The following HIPK2 variants were observed in gnomAD, a reference collection of about 807,000 sequenced individuals.
HIPK2 encodes homeodomain-interacting protein kinase 2.
HIPK2 carries 27 observed loss-of-function variants against 113.7 expected under a neutral mutation model. The observed-to-expected ratio is 0.24, with a 90% CI of 0.17 to 0.33. The LOEUF (loss-of-function observed/expected upper bound fraction) is 0.33, where lower values mean the gene tolerates loss of function less well. HIPK2 is among the 10% of genes least tolerant of loss of function. The pLI, the probability that HIPK2 is intolerant of heterozygous loss-of-function variation, is 1.00. For synonymous variants in HIPK2, 631 were observed against 642.2 expected (o/e 0.98, Z 0.26); for missense variants, 1,257 against 1,588.0 (o/e 0.79, Z 3.54).
Position 139,572,897 on chromosome 7 carries a change from C to CGGCCCA in HIPK2, c.*29_*30insTGGGCC. On this transcript the variant is annotated 3_prime_UTR_variant, in exon 15 of 15. Transcript: ENST00000406875. ...CCTCCTCCCTCGGGCCATTCTCTCCCTCCCTCCCTCCCTCCCTCCCCTCCA... is the reference window on the plus strand; with the variant it reads ...CCTCCTCCCTCGGGCCATTCTCTCCCGGCCCATCCCTCCCTCCCTCCCTCCCCTCCA... The CGGCCCA allele has an allele frequency of 1.8e-6, 1 of 571,116 alleles. No individual in the cohort carries two copies. The highest frequency in any genetic ancestry group is 3.2e-6 in the Non-Finnish European group (1 of 308,982). 35.4% of individuals were successfully genotyped at this position (571,116 alleles called of 1,614,324 possible).
At chr7:139,765,150 T>A (rs554842758) in intron 1 of HIPK2, among the ~76,000 whole-genome samples, 4 of 148,906 alleles carry the variant, frequency 2.7e-5, no homozygotes, top group Non-Finnish European at 4.4e-5. Flanking sequence ...AAAAAAAAAA[T>A]TAAACTTTGG....
chr7:139,701,097 C>T (rs902710511), intron 2 of HIPK2, among the ~76,000 whole-genome samples: 1 of 152,206 alleles, frequency 6.6e-6, no homozygotes, highest in Non-Finnish European at 1.5e-5. Context: ...TGGGGAGCCA[C>T]GTGAATGCGT....
chr7:139,638,866 C>G (rs1463928804), intron 2 of HIPK2, among the ~76,000 whole-genome samples: 1 of 152,112 alleles, frequency 6.6e-6, no homozygotes, highest in African/African-American at 2.4e-5. Flanking sequence ...ACCATGTTAG[C>G]TAGGATGGTC....
chr7:139,592,615 G>C (rs550805021), intron 12 of HIPK2, among the ~76,000 whole-genome samples: 1 of 152,166 alleles, frequency 6.6e-6, no homozygotes, highest in Non-Finnish European at 1.5e-5. Context: ...CATGACTAAA[G>C]GTTGTATGCT....
intron 12 of HIPK2, among the ~76,000 whole-genome samples, chr7:139,592,126 G>C (rs1266700266): frequency 1.3e-5 from 2 of 152,276 alleles, no homozygotes; most frequent in African/African-American, 2.4e-5. Flanking sequence ...AAAACATTTC[G>C]GGTCAAATTT....
chr7:139,623,221 CA>C (rs1373353559), intron 6 of HIPK2, among the ~76,000 whole-genome samples: 1 of 152,094 alleles, frequency 6.6e-6, no homozygotes, highest in Non-Finnish European at 1.5e-5. Flanking sequence ...AGAAACAGGA[CA>C]AATCCAGGCC....
chr7:139,611,578 G>A (rs185611487), intron 9 of HIPK2, among the ~76,000 whole-genome samples: 5 of 151,882 alleles, frequency 3.3e-5, no homozygotes, highest in Non-Finnish European at 5.9e-5. Flanking sequence ...GTCGTACCCT[G>A]TTGCCCACCC....
At chr7:139,663,800 C>T (rs1801949857) in intron 2 of HIPK2, among the ~76,000 whole-genome samples, 1 of 152,210 alleles carries the variant, frequency 6.6e-6, no homozygotes, top group Non-Finnish European at 1.5e-5. Flanking sequence ...AAGCTGGAGA[C>T]AGACTGAGCA....
intron 2 of HIPK2, among the ~76,000 whole-genome samples, chr7:139,638,012 C>T (rs1585310236): frequency 6.6e-6 from 1 of 152,102 alleles, no homozygotes; most frequent in East Asian, 1.9e-4. Context: ...AACAGGAGGG[C>T]TAGAAGTGGC....
At chr7:139,743,800 T>A (rs953099956) in intron 1 of HIPK2, among the ~76,000 whole-genome samples, 5 of 152,172 alleles carry the variant, frequency 3.3e-5, no homozygotes, top group Admixed American at 2.6e-4. Flanking sequence ...GTCTGGGCAG[T>A]TAGTTCCAGA....
At chr7:139,605,466 T>C (rs1474472665) in intron 9 of HIPK2, among the ~76,000 whole-genome samples, 2 of 152,142 alleles carry the variant, frequency 1.3e-5, no homozygotes, top group Non-Finnish European at 2.9e-5. Flanking sequence ...GTGACTAACA[T>C]TGGGTAATTT....
rs764745269 is a variant in HIPK2, at chr7:139,628,785, C to T, written c.1434+168G>A. Among the ~76,000 whole-genome samples the T allele has an allele frequency of 2.2e-4, 33 of 152,204 alleles. 1 individual carries two copies. The highest frequency in any genetic ancestry group is 9.2e-4 in the Admixed American group (14 of 15,284). ...TATGAAGTTTTAAAAATGTTTCACA[C>T]ACCAAATGGTATTCTTACTAAGACT... On this transcript the variant is annotated intron_variant, in intron 5 of 14. Coordinates refer to ENST00000406875, the MANE Select transcript of HIPK2 (RefSeq NM_022740.5).
At chr7:139,748,804 C>G (rs1199621737) in intron 1 of HIPK2, among the ~76,000 whole-genome samples, 1 of 152,144 alleles carries the variant, frequency 6.6e-6, no homozygotes, top group Non-Finnish European at 1.5e-5. Context: ...CATCCCCTGA[C>G]AGGCCCTCAA....
Position 139,567,039 on chromosome 7 carries a change from T to C in HIPK2, c.*5888A>G, listed in dbSNP as rs1007266058. ...AAACCTCTACTATGCTGGGTCCCTC[T>C]AGTGAGCCACGGTGCCAAAAGCCTC... On this transcript the variant is annotated 3_prime_UTR_variant, in exon 15 of 15. Coordinates refer to ENST00000406875, the MANE Select transcript of HIPK2 (RefSeq NM_022740.5). 6.6e-6 allele frequency: 1 copy of C among 152,214 alleles called. No homozygotes were observed. The highest frequency in any genetic ancestry group is 2.4e-5 in the African/African-American group (1 of 41,448). 9.4% of individuals were successfully genotyped at this position (152,214 alleles called of 1,614,324 possible). A position where few individuals can be genotyped will look rare whatever the true frequency, so the allele number is the denominator to read the frequency against.
At chr7:139,622,969 T>C (rs1800287123) in intron 6 of HIPK2, among the ~76,000 whole-genome samples, 2 of 152,184 alleles carry the variant, frequency 1.3e-5, no homozygotes, top group South Asian at 4.1e-4. Context: ...CTGAGGTCAT[T>C]AAAGCCCCAG....
Position 139,572,803 on chromosome 7 carries a change from T to C in HIPK2, c.*124A>G, listed in dbSNP as rs1193777702. On this transcript the variant is annotated 3_prime_UTR_variant, in exon 15 of 15. Coordinates refer to ENST00000406875, the MANE Select transcript of HIPK2 (RefSeq NM_022740.5). Reference sequence around the variant, plus strand: ...CCCCGCCCCTGCCCCGTTTGCATTGTTTGTGTGCGGCATCTTCAGTATAAA... The same window carrying C: ...CCCCGCCCCTGCCCCGTTTGCATTGCTTGTGTGCGGCATCTTCAGTATAAA... The C allele has an allele frequency of 2.4e-5, 5 of 211,108 alleles. No individual in the cohort carries two copies. The highest frequency in any genetic ancestry group is 3.5e-5 in the Non-Finnish European group (4 of 115,558). 13.1% of individuals were successfully genotyped at this position (211,108 alleles called of 1,614,324 possible). A position where few individuals can be genotyped will look rare whatever the true frequency, so the allele number is the denominator to read the frequency against.
At chr7:139,717,272 T>C (rs1795276552) in intron 1 of HIPK2, among the ~76,000 whole-genome samples, 1 of 152,178 alleles carries the variant, frequency 6.6e-6, no homozygotes, top group Middle Eastern at 3.2e-3. Context: ...GAAACAGAAT[T>C]CCAATATCAG....
At chr7:139,775,707 G>A (rs528887319) in intron 1 of HIPK2, among the ~76,000 whole-genome samples, 2 of 152,280 alleles carry the variant, frequency 1.3e-5, no homozygotes, top group South Asian at 4.1e-4. Flanking sequence ...CACACCTGCA[G>A]TTCTTTATCT....
chr7:139,680,647 C>A (rs1802668657), intron 2 of HIPK2, among the ~76,000 whole-genome samples: 2 of 152,186 alleles, frequency 1.3e-5, no homozygotes, highest in Admixed American at 1.3e-4. Flanking sequence ...TTTTAAAATT[C>A]ATGTTAAGAT....
Sources: gnomAD v4.1 joint callset for allele counts (sites outside exome capture counted in the v4.1 genomes callset) on GRCh38, gnomAD v4.1.1 for gene constraint, MANE v1.5 for transcripts, NCBI Gene and HGNC (gene_info 2026-07-23, HGNC 2026-07-21) for gene names.